EFS: variants seen among roughly 807,000 people sequenced by gnomAD.
The protein encoded by EFS is Cas scaffolding protein family member 3.
Under a neutral mutation model 42.2 loss-of-function variants are expected in EFS, and 34 were observed. The ratio of observed to expected loss-of-function variants is 0.81; its 90% CI spans 0.61 to 1.07. The LOEUF is 1.07. EFS is among the 50% of genes least tolerant of loss of function. The probability of loss-of-function intolerance (pLI) is 0.00; values close to 1 mark genes in which losing one functional copy is unlikely to be tolerated. For synonymous variants in EFS, 299 were observed against 320.7 expected, an observed-to-expected ratio of 0.93 and a Z score of 0.72; for missense variants, 717 against 729.4, an observed-to-expected ratio of 0.98 and a Z score of 0.20.
intron 1 of EFS, among the ~76,000 whole-genome samples, chr14:23,364,268 G>A (rs1452599110): frequency 6.6e-6 from 1 of 152,206 alleles, no homozygotes; most frequent in Non-Finnish European, 1.5e-5. Context: ...TGCCATTGCA[G>A]GACAGAGTTG....
chr14:23,357,911 CAG>C (rs1159335330), intron 5 of EFS, among the ~76,000 whole-genome samples: 1 of 152,076 alleles, frequency 6.6e-6, no homozygotes, highest in Non-Finnish European at 1.5e-5. Context: ...AACTCTAAAA[CAG>C]GGAGTCTAGG....
At chr14:23,363,082 T>G (rs1215342489) in intron 1 of EFS, among the ~76,000 whole-genome samples, 1 of 151,826 alleles carries the variant, frequency 6.6e-6, no homozygotes, top group African/African-American at 2.4e-5. Flanking sequence ...CCCGGCTAAT[T>G]TTTTGTATTT....
Position 23,360,168 on chromosome 14 carries a change from C to T in EFS, c.411G>A (p.Gln137=). The T allele has an allele frequency of 6.2e-7, 1 of 1,614,198 alleles. No homozygotes were observed. The highest frequency in any genetic ancestry group is 8.5e-7 in the Non-Finnish European group (1 of 1,180,038). ...IYKIPRASGT[Q]LAAPRDALEV... ...CCAAGGCATCTCTGGGAGCAGCCAG[C>T]TGGGTCCCACTAGCTCTGGGGATTT... Residue 137 remains glutamine (Q), a synonymous_variant, in exon 3 of 6, where the codon CAG becomes CAA. Coordinates refer to ENST00000216733, the MANE Select transcript of EFS (RefSeq NM_005864.4).
At chr14:23,357,714 C>A in intron 5 of EFS, 54 bp from the exon 6 acceptor site, 1 of 1,406,538 alleles carries the variant, frequency 7.1e-7, no homozygotes, top group African/African-American at 1.5e-5. Context: ...GCCATTTCCT[C>A]CCTCACTTCT....
intron 3 of EFS, 26 bp downstream of exon 3, chr14:23,360,115 C>T (rs200374407): frequency 6.2e-7 from 1 of 1,614,178 alleles, no homozygotes; most frequent in Non-Finnish European, 8.5e-7. Flanking sequence ...TCCCACCCAA[C>T]ATACACAGGG....
At chr14:23,359,050 C>T (rs1890025362) in intron 4 of EFS, 85 bp from the exon 5 acceptor site, 2 of 1,286,336 alleles carry the variant, frequency 1.6e-6, no homozygotes, top group African/African-American at 3.0e-5. Context: ...TTCCCCGGAC[C>T]CCCTTCCTTC....
rs1595027730 is a variant in EFS at position 23,360,639 on chromosome 14, T to G, written c.213A>C (p.Ala71=). 6.2e-7 allele frequency: 1 copy of G among 1,610,122 alleles called. No individual in the cohort carries two copies. Among genetic ancestry groups the G allele is most frequent in the Non-Finnish European group, 8.5e-7 (1 of 1,177,990 alleles). The stretch of plus-strand genomic sequence containing the variant: ...ACGCAGGAGAGAGGCTGGGCTTGGG[T>G]GCTGGGCCAGCAGGCAAGAGCTTCA... ...NRVKLLPAGP[A]PKPSLSPASP... is the part of the protein sequence containing the mutation. Residue 71 remains alanine, a synonymous_variant, in exon 2 of 6, where the codon GCA becomes GCC. Transcript: ENST00000216733.
In EFS at chr14:23,360,641, C is replaced by T. The variant is rs746894866; in HGVS notation, c.211G>A (p.Ala71Thr). The T allele has an allele frequency of 4.3e-6, 7 of 1,610,548 alleles. No individual in the cohort carries two copies. Among genetic ancestry groups the T allele is most frequent in the African/African-American group, 1.3e-5 (1 of 74,888 alleles). The change falls in exon 2 of 6, where the codon GCA becomes ACA. Residue 71 changes from alanine to threonine, a missense_variant. Transcript: ENST00000216733. ...GCAGGAGAGAGGCTGGGCTTGGGTG[C>T]TGGGCCAGCAGGCAAGAGCTTCACC... is the stretch of plus-strand genomic sequence containing the variant. ...NRVKLLPAGP[A>T]PKPSLSPASP... is the part of the protein sequence containing the mutation.
chr14:23,357,276 C>T lies in EFS; in HGVS notation c.1636G>A (p.Ala546Thr). The change falls in exon 6 of 6, where the codon GCA becomes ACA. Residue 546 changes from alanine (A) to threonine (T), a missense_variant. Ala to Thr is a moderately conservative substitution (Grantham distance 58). Transcript: ENST00000216733. ...QEMVQCVTEL[A>T]GQALQFTTLL... ...GTAGTGAATTGCAGGGCCTGCCCTG[C>T]CAGTTCTGTTACACACTGCACCATC... 1 of 1,586,932 alleles carries T rather than the reference C, an allele frequency of 6.3e-7. No individual in the cohort carries two copies. The highest frequency in any genetic ancestry group is 8.6e-7 in the Non-Finnish European group (1 of 1,160,272).
chr14:23,361,050 A>C (rs1890138608), intron 1 of EFS, among the ~76,000 whole-genome samples: 1 of 152,170 alleles, frequency 6.6e-6, no homozygotes, highest in South Asian at 2.1e-4. Flanking sequence ...CTCTCCTCAG[A>C]GAGGCCGATT....
At chr14:23,360,384 C>A in intron 2 of EFS, 103 bp from the exon 3 acceptor site, 2 of 1,507,664 alleles carry the variant, frequency 1.3e-6, no homozygotes, top group Middle Eastern at 1.9e-4. Flanking sequence ...CTCCCTGTAT[C>A]GAGAGGGCCA....
chr14:23,364,623 G>A (rs1482731657), intron 1 of EFS, among the ~76,000 whole-genome samples: 3 of 151,970 alleles, frequency 2.0e-5, no homozygotes, highest in African/African-American at 7.3e-5. Context: ...GAGCCACTAG[G>A]TCCTTTCAGC....
intron 1 of EFS, among the ~76,000 whole-genome samples, chr14:23,361,565 A>G (rs1890155673): frequency 6.6e-6 from 1 of 152,240 alleles, no homozygotes; most frequent in Non-Finnish European, 1.5e-5. Context: ...TCCTTCCAGC[A>G]GGCATCATCA....
At chr14:23,360,111 C>T (rs1566491469) in intron 3 of EFS, 30 bp downstream of exon 3, 2 of 1,614,138 alleles carry the variant, frequency 1.2e-6, no homozygotes, top group Non-Finnish European at 1.7e-6. Context: ...TGTCTCCCAC[C>T]CAACATACAC....
At chr14:23,361,720 G>A (rs1890160968) in intron 1 of EFS, among the ~76,000 whole-genome samples, 1 of 152,124 alleles carries the variant, frequency 6.6e-6, no homozygotes, top group South Asian at 2.1e-4. Flanking sequence ...TTCCATCAAG[G>A]GCCACAGGCT....
At chr14:23,358,732 TGCCTCC>T in intron 5 of EFS, 138 bp downstream of exon 5, 2 of 616,456 alleles carry the variant, frequency 3.2e-6, no homozygotes, top group Non-Finnish European at 5.2e-6. Flanking sequence ...ATTTCTAACT[TGCCTCC>T]GCTCTGTCCC....
chr14:23,364,633 C>G (rs547683648), intron 1 of EFS, among the ~76,000 whole-genome samples: 87 of 152,248 alleles, frequency 5.7e-4, no homozygotes, highest in Non-Finnish European at 1.0e-3. Context: ...GTCCTTTCAG[C>G]CCCCTCCAAA....
rs539735593 is a variant in EFS, at chr14:23,359,020, C to G, written c.1162-55G>C. 20 of 1,486,756 alleles carry G rather than the reference C, an allele frequency of 1.3e-5. No homozygotes were observed. In the Admixed American group the frequency reaches 2.3e-4, roughly 17 times the overall value. 92.1% of individuals were successfully genotyped at this position (1,486,756 alleles called of 1,614,324 possible). ...GGGTGGGGGAGCAGGACGGGGTGGC[C>G]TCTGTGGCCTTTCTGCCCCTTCCCC... On this transcript the variant is annotated intron_variant, in intron 4 of 5. Transcript: ENST00000216733.
At chr14:23,360,408 T>C (rs1890106087) in intron 2 of EFS, 127 bp from the exon 3 acceptor site, 1 of 1,496,170 alleles carries the variant, frequency 6.7e-7, no homozygotes. Context: ...CTCAGAAAGG[T>C]TGGTAGACAG....
Sources: gnomAD v4.1 joint callset for allele counts (sites outside exome capture counted in the v4.1 genomes callset) on GRCh38, gnomAD v4.1.1 for gene constraint, MANE v1.5 for transcripts, NCBI Gene and HGNC (gene_info 2026-07-23, HGNC 2026-07-21) for gene names.